The following KLF8 variants were observed in gnomAD, a reference collection of about 807,000 sequenced individuals.
The protein encoded by KLF8 is KLF transcription factor 8.
Under a neutral mutation model 18.2 loss-of-function variants are expected in KLF8, and 10 were observed. That is an observed-to-expected ratio of 0.55 (90% CI 0.34 to 0.93). The LOEUF (loss-of-function observed/expected upper bound fraction) is 0.93, where lower values mean the gene tolerates loss of function less well. Ranked by LOEUF, KLF8 falls within the 40% of genes least tolerant of loss-of-function variation. The pLI is 0.02. For synonymous variants in KLF8, 109 were observed against 97.3 expected, an observed-to-expected ratio of 1.12 and a Z score of -0.71; for missense variants, 264 against 277.9, an observed-to-expected ratio of 0.95 and a Z score of 0.36.
chrX:56,036,609 GT>G, the KLF8 span, among the ~76,000 whole-genome samples: 1 of 112,177 alleles, frequency 8.9e-6, no homozygotes, highest in Admixed American at 9.5e-5. Context: ...AAGTTCAGCA[GT>G]GTGCTTCCTG....
chrX:56,164,729 C>CTTTTTTTTTTTTTTTTATCTTTTT, the KLF8 span, among the ~76,000 whole-genome samples: 1 of 51,920 alleles, frequency 1.9e-5, no homozygotes, highest in Non-Finnish European at 3.3e-5. Flanking sequence ...CTTGTTATCT[C>CTTTTTTTTTTTTTTTTATCTTTTT]TTTTTTTTTT....
At chrX:55,953,640 A>C in the KLF8 span, among the ~76,000 whole-genome samples, 1 of 111,271 alleles carries the variant, frequency 9.0e-6, no homozygotes, top group African/African-American at 3.3e-5. Context: ...AGATAAGTGG[A>C]ATAGAATTGA....
At chrX:56,181,053 A>C in the KLF8 span, among the ~76,000 whole-genome samples, 8 of 111,039 alleles carry the variant, frequency 7.2e-5, no homozygotes, top group Admixed American at 7.7e-4. Context: ...TCTAATATTG[A>C]CAGTGGGGTA....
chrX:56,162,728 A>G, the KLF8 span, among the ~76,000 whole-genome samples: 1 of 111,115 alleles, frequency 9.0e-6, no homozygotes, highest in African/African-American at 3.3e-5. Context: ...GGGTGAGGTG[A>G]TGCCTCGCCC....
chrX:56,263,803 G>A (rs2066920691), intron 2 of KLF8, among the ~76,000 whole-genome samples: 1 of 111,673 alleles, frequency 9.0e-6, no homozygotes, highest in African/African-American at 3.3e-5. Context: ...TCTTTTGAAT[G>A]TCTTTGAATC....
At chrX:56,211,222 G>A in the KLF8 span, among the ~76,000 whole-genome samples, 627 of 112,617 alleles carry the variant, frequency 5.6e-3, 3 homozygotes, top group Middle Eastern at 0.018. Flanking sequence ...TGTAATCTAA[G>A]CTCTGTCTGC....
chrX:56,166,210 A>G, the KLF8 span, among the ~76,000 whole-genome samples: 1 of 110,691 alleles, frequency 9.0e-6, no homozygotes, highest in Non-Finnish European at 1.9e-5. Flanking sequence ...AGAATATTAA[A>G]AAGACTTTTA....
the KLF8 span, among the ~76,000 whole-genome samples, chrX:56,035,177 C>T: frequency 2.7e-5 from 3 of 112,021 alleles, no homozygotes; most frequent in Non-Finnish European, 5.6e-5. Context: ...TTTATGAAAT[C>T]ACCATTTTTT....
chrX:56,039,388 A>G, the KLF8 span, among the ~76,000 whole-genome samples: 1 of 111,436 alleles, frequency 9.0e-6, no homozygotes, highest in Admixed American at 9.5e-5. Context: ...ATTTTTGTAT[A>G]TGGTGTAAGG....
intron 5 of KLF8, among the ~76,000 whole-genome samples, chrX:56,275,063 A>T (rs1343697894): frequency 9.0e-6 from 1 of 111,129 alleles, no homozygotes. Flanking sequence ...TTTGATAGAG[A>T]TTGCATTAAT....
chrX:55,994,239 T>C, the KLF8 span, among the ~76,000 whole-genome samples: 2 of 105,390 alleles, frequency 1.9e-5, no homozygotes, highest in African/African-American at 3.9e-5. Context: ...GACTTTTTTT[T>C]TTTCTTTTGT....
At chrX:56,247,719 G>A (rs958089735) in intron 1 of KLF8, among the ~76,000 whole-genome samples, 24 of 110,501 alleles carry the variant, frequency 2.2e-4, no homozygotes, top group African/African-American at 7.9e-4. Context: ...TTGTCCCACT[G>A]GAAGATCTTC....
At chrX:56,126,752 C>CTTTTTT in the KLF8 span, among the ~76,000 whole-genome samples, 4 of 72,575 alleles carry the variant, frequency 5.5e-5, no homozygotes, top group African/African-American at 1.3e-4. Context: ...TTCTTTCTTT[C>CTTTTTT]TTTTTTTTTT....
upstream of KLF8, among the ~76,000 whole-genome samples, chrX:56,231,776 A>T (rs1240263640): frequency 1.8e-5 from 2 of 111,417 alleles, no homozygotes; most frequent in Non-Finnish European, 3.8e-5. Flanking sequence ...CAGGGGGTTG[A>T]GAACTCTATT....
the KLF8 span, among the ~76,000 whole-genome samples, chrX:56,019,749 C>T: frequency 9.0e-6 from 1 of 111,676 alleles, no homozygotes; most frequent in African/African-American, 3.2e-5. Flanking sequence ...TATCTTGGAG[C>T]TATCATGGTC....
At chrX:56,053,557 T>TTTTGG in the KLF8 span, among the ~76,000 whole-genome samples, 182 of 105,953 alleles carry the variant, frequency 1.7e-3, 1 homozygote, top group African/African-American at 5.8e-3. Context: ...TTTTTTTTTT[T>TTTTGG]GGGGAATAGT....
the KLF8 span, among the ~76,000 whole-genome samples, chrX:55,911,455 G>T: frequency 8.9e-6 from 1 of 112,492 alleles, no homozygotes; most frequent in African/African-American, 3.2e-5. Flanking sequence ...ACAAGATTTT[G>T]TAGCACTCTT....
chrX:56,012,595 G>T, the KLF8 span, among the ~76,000 whole-genome samples: 3 of 111,603 alleles, frequency 2.7e-5, no homozygotes, highest in Admixed American at 9.5e-5. Context: ...GTTCTGGCCA[G>T]AGAAATCAGG....
At chrX:56,208,524 T>G in the KLF8 span, among the ~76,000 whole-genome samples, 4 of 111,724 alleles carry the variant, frequency 3.6e-5, no homozygotes, top group Non-Finnish European at 7.5e-5. Flanking sequence ...TTTGGTTTGC[T>G]CTTGCTTTTC....
Sources: allele counts gnomAD v4.1 joint callset (sites outside exome capture counted in the v4.1 genomes callset), GRCh38; gene constraint gnomAD v4.1.1; transcripts MANE v1.5; gene names NCBI Gene and HGNC (gene_info 2026-07-23, HGNC 2026-07-21).